Variants in THRB observed in about 807,000 individuals in gnomAD.
THRB encodes the protein nuclear receptor subfamily 1 group A member 2.
THRB carries 12 observed loss-of-function variants against 47.8 expected under a neutral mutation model. The observed-to-expected ratio is 0.25, with a 90% confidence interval of 0.16 to 0.41. THRB has a LOEUF of 0.41. Ranked by LOEUF, THRB falls within the 10% of genes least tolerant of loss-of-function variation. The pLI, the probability that THRB is intolerant of heterozygous loss-of-function variation, is 1.00. For missense variants in THRB, 348 were observed against 589.2 expected, an observed-to-expected ratio of 0.59 and a Z score of 4.24; for synonymous variants, 218 against 212.2, an observed-to-expected ratio of 1.03 and a Z score of -0.24.
intron 7 of THRB, chr3:24,144,776 G>A (rs1045958487): frequency 5.9e-5 from 9 of 152,214 alleles, no homozygotes; most frequent in African/African-American, 1.9e-4. Context: ...GATCCAGAGA[G>A]GTCGTGACTT....
chr3:24,249,793 C>T (rs573485013), intron 3 of THRB, among the ~76,000 whole-genome samples: 1 of 152,298 alleles, frequency 6.6e-6, no homozygotes, highest in Non-Finnish European at 1.5e-5. Flanking sequence ...AATGTCAGTG[C>T]TAATTACCCT....
chr3:24,312,594 G>A (rs1049565542), intron 2 of THRB, among the ~76,000 whole-genome samples: 1 of 152,140 alleles, frequency 6.6e-6, no homozygotes, highest in Non-Finnish European at 1.5e-5. Flanking sequence ...TGCTAATTTT[G>A]AGAACTGATC....
intron 1 of THRB, among the ~76,000 whole-genome samples, chr3:24,471,301 T>C (rs947958391): frequency 6.6e-6 from 1 of 152,156 alleles, no homozygotes; most frequent in East Asian, 1.9e-4. Context: ...GATGCAGCAA[T>C]CTGTATGTTA....
At chr3:24,336,999 G>A (rs775939843) in intron 2 of THRB, among the ~76,000 whole-genome samples, 6 of 152,104 alleles carry the variant, frequency 3.9e-5, no homozygotes, top group Admixed American at 6.6e-5. Flanking sequence ...AAAGACACAT[G>A]GGAAAGGATT....
intron 3 of THRB, among the ~76,000 whole-genome samples, chr3:24,281,396 T>C (rs1247598810): frequency 1.3e-5 from 2 of 151,784 alleles, no homozygotes; most frequent in Admixed American, 6.6e-5. Flanking sequence ...CTGAGAGATT[T>C]TGTCACCACC....
chr3:24,375,961 T>C (rs1287924224), intron 1 of THRB, among the ~76,000 whole-genome samples: 1 of 152,186 alleles, frequency 6.6e-6, no homozygotes, highest in Non-Finnish European at 1.5e-5. Flanking sequence ...ATTATTCATT[T>C]CTCACAAAGG....
At chr3:24,241,798 C>T (rs1205222161) in intron 3 of THRB, among the ~76,000 whole-genome samples, 1 of 152,062 alleles carries the variant, frequency 6.6e-6, no homozygotes, top group African/African-American at 2.4e-5. Context: ...GCAGATGCAC[C>T]GCCTCTATCC....
intron 4 of THRB, among the ~76,000 whole-genome samples, chr3:24,204,452 A>T (rs541214447): frequency 3.3e-5 from 5 of 152,368 alleles, no homozygotes; most frequent in African/African-American, 1.2e-4. Flanking sequence ...CCTGACTGGT[A>T]GAAGGAAAAC....
chr3:24,214,117 G>A (rs947828165), intron 4 of THRB, among the ~76,000 whole-genome samples: 6 of 152,198 alleles, frequency 3.9e-5, no homozygotes, highest in Admixed American at 2.0e-4. Context: ...AAGGGAAAGC[G>A]ACTTGCCCAA....
chr3:24,296,635 G>GT (rs2056469495), intron 3 of THRB, among the ~76,000 whole-genome samples: 1 of 152,218 alleles, frequency 6.6e-6, no homozygotes, highest in South Asian at 2.1e-4. Flanking sequence ...CAAAAGTGCT[G>GT]TAAGAGTACA....
intron 1 of THRB, among the ~76,000 whole-genome samples, chr3:24,412,621 G>C (rs1274838887): frequency 6.6e-6 from 1 of 151,656 alleles, no homozygotes; most frequent in East Asian, 2.0e-4. Flanking sequence ...GTGTCAAGTG[G>C]GAGAAATACA....
intron 1 of THRB, among the ~76,000 whole-genome samples, chr3:24,487,188 T>G (rs1697430822): frequency 6.6e-6 from 1 of 152,192 alleles, no homozygotes; most frequent in Admixed American, 6.5e-5. Context: ...AAAAAGGTTC[T>G]GTTGTGGTGC....
chr3:24,277,476 C>T (rs891380674), intron 3 of THRB, among the ~76,000 whole-genome samples: 1 of 152,150 alleles, frequency 6.6e-6, no homozygotes, highest in Non-Finnish European at 1.5e-5. Flanking sequence ...TTCAGTGAGT[C>T]TGGAGCAAAC....
chr3:24,200,266 C>A (rs1055264750), intron 4 of THRB, among the ~76,000 whole-genome samples: 4 of 152,138 alleles, frequency 2.6e-5, no homozygotes, highest in Non-Finnish European at 5.9e-5. Flanking sequence ...TTCAAAAAAA[C>A]CCAAGATATC....
chr3:24,145,314 G>A (rs2035945682), intron 7 of THRB, among the ~76,000 whole-genome samples: 1 of 152,072 alleles, frequency 6.6e-6, no homozygotes, highest in African/African-American at 2.4e-5. Flanking sequence ...AAGTTTTTCT[G>A]ATTAGAAAGC....
intron 1 of THRB, among the ~76,000 whole-genome samples, chr3:24,373,908 C>G (rs2065090709): frequency 6.6e-6 from 1 of 152,132 alleles, no homozygotes; most frequent in Admixed American, 6.6e-5. Flanking sequence ...TATCACCAAT[C>G]CAGCCATTCT....
intron 1 of THRB, among the ~76,000 whole-genome samples, chr3:24,472,824 G>A (rs1694901389): frequency 6.6e-6 from 1 of 152,164 alleles, no homozygotes; most frequent in Non-Finnish European, 1.5e-5. Context: ...ATTCTTCTTG[G>A]TGAAATAAGA....
intron 1 of THRB, among the ~76,000 whole-genome samples, chr3:24,382,839 A>C (rs111835467): frequency 1.8e-3 from 269 of 152,236 alleles, no homozygotes; most frequent in Middle Eastern, 6.8e-3. Flanking sequence ...TCACTTCTGC[A>C]ACAGCCTCCC....
intron 1 of THRB, among the ~76,000 whole-genome samples, chr3:24,398,486 A>T (rs1488354617): frequency 1.3e-5 from 2 of 152,236 alleles, no homozygotes; most frequent in Non-Finnish European, 2.9e-5. Flanking sequence ...AATGCTCATC[A>T]TCACTGGCCA....
Sources: allele counts gnomAD v4.1 joint callset (sites outside exome capture counted in the v4.1 genomes callset), GRCh38; gene constraint gnomAD v4.1.1; transcripts MANE v1.5; gene names NCBI Gene and HGNC (gene_info 2026-07-23, HGNC 2026-07-21).